Variants in UMPS observed in about 807,000 individuals in gnomAD.
UMPS encodes the protein uridine 5'-monophosphate synthase.
Under a neutral mutation model 38.9 loss-of-function variants are expected in UMPS, and 21 were observed. That is an observed-to-expected ratio of 0.54 (90% CI 0.38 to 0.78). The LOEUF is 0.78. UMPS is among the 30% of genes least tolerant of loss of function. The pLI, the probability that UMPS is intolerant of heterozygous loss-of-function variation, is 0.00. For missense variants in UMPS, 533 were observed against 591.6 expected, an observed-to-expected ratio of 0.90 and a Z score of 1.03; for synonymous variants, 208 against 219.3, an observed-to-expected ratio of 0.95 and a Z score of 0.45.
chr3:124,730,993 C>T (rs931174179), intron 1 of UMPS, among the ~76,000 whole-genome samples: 4 of 152,116 alleles, frequency 2.6e-5, no homozygotes, highest in Non-Finnish European at 5.9e-5. Flanking sequence ...CTTTGGGATG[C>T]CTAAGTGGGC....
rs1318273502 is a variant in UMPS, at chr3:124,747,011, T to G, written c.*2927T>G. On this transcript the variant is annotated 3_prime_UTR_variant, in exon 6 of 6. Coordinates refer to ENST00000232607, the MANE Select transcript of UMPS (RefSeq NM_000373.4). ...TAGGCCGAGGGCTGGTTTTTTGTTTTGTTTTGTTTGTTTGATACAGGGTCT... is the reference window on the plus strand; with the variant it reads ...TAGGCCGAGGGCTGGTTTTTTGTTTGGTTTTGTTTGTTTGATACAGGGTCT... 3 of 447,420 alleles carry G rather than the reference T, an allele frequency of 6.7e-6. No individual in the cohort carries two copies. The Admixed American group carries it at 7.3e-5, about 11-fold the overall frequency. 27.7% of individuals were successfully genotyped at this position (447,420 alleles called of 1,614,324 possible).
chr3:124,733,262 ATC>A (rs796368575), intron 1 of UMPS, among the ~76,000 whole-genome samples: 8 of 152,220 alleles, frequency 5.3e-5, no homozygotes, highest in East Asian at 1.9e-4. Flanking sequence ...ATCTGTTTTT[ATC>A]TCTCTGTCAA....
At chr3:124,740,986 AT>A (rs892910434) in intron 4 of UMPS, among the ~76,000 whole-genome samples, 13 of 152,226 alleles carry the variant, frequency 8.5e-5, no homozygotes, top group African/African-American at 2.9e-4. Context: ...AATCCCCATG[AT>A]TTTTTTAAAA....
chr3:124,748,484 G>C lies in UMPS; in HGVS notation c.*4400G>C, dbSNP rs1291877330. 4.4e-6 allele frequency: 2 copies of C among 453,722 alleles called. No homozygotes were observed. The highest frequency in any genetic ancestry group is 1.4e-4 in the East Asian group (2 of 14,410). The allele number at this position is 453,722 out of a possible 1,614,324, so 28.1% of individuals were successfully genotyped here. On this transcript the variant is annotated 3_prime_UTR_variant, in exon 6 of 6. Transcript: ENST00000232607. Reference sequence around the variant, plus strand: ...TTTAACTTCTAAAGTTCAAGGTTTTGGCATAAGTCTGGTTTAGAAGCACAT... The same window carrying C: ...TTTAACTTCTAAAGTTCAAGGTTTTCGCATAAGTCTGGTTTAGAAGCACAT...
chr3:124,743,505 G>T (rs894585041), intron 5 of UMPS, among the ~76,000 whole-genome samples: 8 of 151,238 alleles, frequency 5.3e-5, no homozygotes, highest in African/African-American at 1.9e-4. Flanking sequence ...AGGCGTGGTG[G>T]CAGGCGCCTG....
In UMPS at chr3:124,746,607, C is replaced by T; in HGVS notation, c.*2523C>T. ...ATATTTACAGAACATGATCTCTGGG[C>T]ATTGTAACTCCTGGTCTTAGTGGGG... On this transcript the variant is annotated 3_prime_UTR_variant, in exon 6 of 6. Transcript: ENST00000232607. 2.2e-6 allele frequency: 1 copy of T among 454,078 alleles called. No homozygotes were observed. Among genetic ancestry groups the T allele is most frequent in the South Asian group, 1.6e-5 (1 of 64,472 alleles). 28.1% of individuals were successfully genotyped at this position (454,078 alleles called of 1,614,324 possible). A position where few individuals can be genotyped will look rare whatever the true frequency, so the allele number is the denominator to read the frequency against.
In UMPS at chr3:124,738,146, G is replaced by C. The variant is rs763628618; in HGVS notation, c.889G>C (p.Glu297Gln). Residue 297 changes from glutamate to glutamine, a missense_variant, in exon 3 of 6, where the codon GAG becomes CAG. Physicochemically the swap from Glu to Gln is conservative, Grantham distance 29. Coordinates refer to ENST00000232607, the MANE Select transcript of UMPS (RefSeq NM_000373.4). ...LNDFTLDVMK[E>Q]LITLAKCHEF... ...TGATTTTACTCTGGATGTGATGAAG[G>C]AGTTGATAACTCTGGCAAAATGCCA... The C allele has an allele frequency of 6.2e-7, 1 of 1,614,216 alleles. No homozygotes were observed. Among genetic ancestry groups the C allele is most frequent in the South Asian group, 1.1e-5 (1 of 91,074 alleles).
rs117707217 is a variant in UMPS at position 124,748,336 on chromosome 3, G to T, written c.*4252G>T. On this transcript the variant is annotated 3_prime_UTR_variant, in exon 6 of 6. Coordinates refer to ENST00000232607, the MANE Select transcript of UMPS (RefSeq NM_000373.4). ...TGCCATATTTTTCTTAGATCATAGG[G>T]CCTTTCACATTTGTAATTTGGCCTT... 8,418 of 453,864 alleles carry T rather than the reference G, an allele frequency of 0.019. 172 individuals are homozygous for T. The highest frequency in any genetic ancestry group is 0.061 in the East Asian group (871 of 14,394). 28.1% of individuals were successfully genotyped at this position (453,864 alleles called of 1,614,324 possible).
chr3:124,735,162 T>A lies in UMPS; in HGVS notation c.226T>A (p.Tyr76Asn), dbSNP rs2063508975. 1 of 1,614,094 alleles carries A rather than the reference T, an allele frequency of 6.2e-7. No individual in the cohort carries two copies. Among genetic ancestry groups the A allele is most frequent in the Non-Finnish European group, 8.5e-7 (1 of 1,180,022 alleles). ...ISFDTVCGVP[Y>N]TALPLATVIC... is the part of the protein sequence containing the mutation. ...TTTTGACACCGTGTGTGGAGTGCCT[T>A]ATACAGCTTTGCCATTGGCTACAGT... The change falls in exon 2 of 6, where the codon TAT (tyrosine) becomes AAT (asparagine). Residue 76 changes from tyrosine to asparagine, a missense_variant. Transcript: ENST00000232607.
At position 124,748,645 on chromosome 3, in the gene UMPS, G is replaced by A. The variant is rs894753198; in HGVS notation, c.*4561G>A. On this transcript the variant is annotated 3_prime_UTR_variant, in exon 6 of 6. Transcript: ENST00000232607. ...CCCAGGGAAGGAGGGAGGAAGGGCAGTTGACACCCAAAATAAGGGTGGGGA... is the reference window on the plus strand; with the variant it reads ...CCCAGGGAAGGAGGGAGGAAGGGCAATTGACACCCAAAATAAGGGTGGGGA... The A allele has an allele frequency of 1.5e-5, 7 of 453,980 alleles. No individual in the cohort carries two copies. The highest frequency in any genetic ancestry group is 1.4e-4 in the Admixed American group (6 of 42,552). 28.1% of individuals were successfully genotyped at this position (453,980 alleles called of 1,614,324 possible).
rs1426678166 is a variant in UMPS at position 124,748,415 on chromosome 3, G to T, written c.*4331G>T. ...TTCCCCATAACCCTTCCAAAGGAAG[G>T]CCGCAATAGAAATACAAAGAGAAAC... On this transcript the variant is annotated 3_prime_UTR_variant, in exon 6 of 6. Transcript: ENST00000232607. 1 of 453,892 alleles carries T rather than the reference G, an allele frequency of 2.2e-6. No individual in the cohort carries two copies. The highest frequency in any genetic ancestry group is 6.9e-5 in the East Asian group (1 of 14,394). 28.1% of individuals were successfully genotyped at this position (453,892 alleles called of 1,614,324 possible).
Position 124,746,874 on chromosome 3 carries a change from G to A in UMPS, c.*2790G>A. On this transcript the variant is annotated 3_prime_UTR_variant, in exon 6 of 6. Transcript: ENST00000232607. Reference sequence around the variant, plus strand: ...CCTCTTATTTTAGAGCTCCCAAAGTGTAGCTCCAGAATCGTAAAGGGATAT... The same window carrying A: ...CCTCTTATTTTAGAGCTCCCAAAGTATAGCTCCAGAATCGTAAAGGGATAT... 1 of 452,610 alleles carries A rather than the reference G, an allele frequency of 2.2e-6. No homozygotes were observed. The highest frequency in any genetic ancestry group is 1.6e-5 in the South Asian group (1 of 64,394). The allele number at this position is 452,610 out of a possible 1,614,324, so 28.0% of individuals were successfully genotyped here. A position where few individuals can be genotyped will look rare whatever the true frequency, so the allele number is the denominator to read the frequency against.
In UMPS at chr3:124,746,979, C is replaced by G. The variant is rs1391075068; in HGVS notation, c.*2895C>G. The stretch of plus-strand genomic sequence containing the variant: ...ACTGAGTCAGCTCTAAGAAAATCTG[C>G]CAAAAGTAGGCCGAGGGCTGGTTTT... On this transcript the variant is annotated 3_prime_UTR_variant, in exon 6 of 6. Transcript: ENST00000232607. 4.4e-6 allele frequency: 2 copies of G among 453,886 alleles called. No individual in the cohort carries two copies. The highest frequency in any genetic ancestry group is 8.8e-6 in the Non-Finnish European group (2 of 226,768). 28.1% of individuals were successfully genotyped at this position (453,886 alleles called of 1,614,324 possible).
chr3:124,732,912 A>G (rs1028368897), intron 1 of UMPS, among the ~76,000 whole-genome samples: 5 of 151,872 alleles, frequency 3.3e-5, no homozygotes, highest in African/African-American at 9.7e-5. Flanking sequence ...AAATTGATTT[A>G]TTTTAATAAG....
At chr3:124,733,180 T>C (rs1369133810) in intron 1 of UMPS, among the ~76,000 whole-genome samples, 1 of 152,190 alleles carries the variant, frequency 6.6e-6, no homozygotes, top group African/African-American at 2.4e-5. Context: ...TATAGTACTA[T>C]ATACACATTA....
At chr3:124,737,130 G>A (rs2150895867) in intron 2 of UMPS, 1 of 165,060 alleles carries the variant, frequency 6.1e-6, no homozygotes, top group South Asian at 1.6e-4. Context: ...TAGGCTGGAC[G>A]TGGTGGCTCA....
rs1008114582 is a variant in UMPS, at chr3:124,744,678, G to A, written c.*594G>A. On this transcript the variant is annotated 3_prime_UTR_variant, in exon 6 of 6. Coordinates refer to ENST00000232607, the MANE Select transcript of UMPS (RefSeq NM_000373.4). ...CCTGCCTCAGTCTCTCAAAGTGCTG[G>A]GATTACAGGTGTGAGCCACTGTGCC... is the stretch of plus-strand genomic sequence containing the variant. 1.1e-5 allele frequency: 5 copies of A among 453,964 alleles called. No individual in the cohort carries two copies. Among genetic ancestry groups the A allele is most frequent in the African/African-American group, 8.0e-5 (4 of 49,990 alleles). 28.1% of individuals were successfully genotyped at this position (453,964 alleles called of 1,614,324 possible).
rs926157436 is a variant in UMPS, at chr3:124,745,255, A to G, written c.*1171A>G. 6.6e-6 allele frequency: 3 copies of G among 453,902 alleles called. No homozygotes were observed. Among genetic ancestry groups the G allele is most frequent in the African/African-American group, 6.0e-5 (3 of 49,948 alleles). 28.1% of individuals were successfully genotyped at this position (453,902 alleles called of 1,614,324 possible). ...CGGTGCTCATTGCACCAGCACACTC[A>G]CATTCCTTCTCATTTGGGGCCCACC... On this transcript the variant is annotated 3_prime_UTR_variant, in exon 6 of 6. Coordinates refer to ENST00000232607, the MANE Select transcript of UMPS (RefSeq NM_000373.4).
chr3:124,745,270 T>A lies in UMPS; in HGVS notation c.*1186T>A, dbSNP rs1347860860. ...CAGCACACTCACATTCCTTCTCATT[T>A]GGGGCCCACCTGCAGGAAGTGGCAC... is the stretch of plus-strand genomic sequence containing the variant. On this transcript the variant is annotated 3_prime_UTR_variant, in exon 6 of 6. Transcript: ENST00000232607. 1 of 454,084 alleles carries A rather than the reference T, an allele frequency of 2.2e-6. No homozygotes were observed. Among genetic ancestry groups the A allele is most frequent in the South Asian group, 1.6e-5 (1 of 64,472 alleles). The allele number at this position is 454,084 out of a possible 1,614,324, so 28.1% of individuals were successfully genotyped here. A position where few individuals can be genotyped will look rare whatever the true frequency, so the allele number is the denominator to read the frequency against.
Sources: allele counts gnomAD v4.1 joint callset (sites outside exome capture counted in the v4.1 genomes callset), GRCh38; gene constraint gnomAD v4.1.1; transcripts MANE v1.5; gene names NCBI Gene and HGNC (gene_info 2026-07-23, HGNC 2026-07-21).